Variants in KCNQ2 observed in about 807,000 individuals in gnomAD.
The protein encoded by KCNQ2 is potassium voltage-gated channel subfamily Q member 2.
KCNQ2 carries 14 observed loss-of-function variants against 84.8 expected under a neutral mutation model. The ratio of observed to expected loss-of-function variants is 0.17; its 90% CI spans 0.11 to 0.26. KCNQ2 has a LOEUF of 0.26. Ranked by LOEUF, KCNQ2 falls within the 10% of genes least tolerant of loss-of-function variation. KCNQ2 has a pLI of 1.00. For missense variants in KCNQ2, 788 were observed against 1,254.0 expected, an observed-to-expected ratio of 0.63 and a Z score of 5.61; for synonymous variants, 599 against 554.1, an observed-to-expected ratio of 1.08 and a Z score of -1.14.
intron 12 of KCNQ2, among the ~76,000 whole-genome samples, chr20:63,417,479 G>A (rs544859501): frequency 1.5e-4 from 23 of 152,248 alleles, no homozygotes; most frequent in South Asian, 8.3e-4. Flanking sequence ...GCAAAGCACC[G>A]GGTGGAGGAC....
At position 63,404,072 on chromosome 20, in the gene KCNQ2, G is replaced by C. The variant is rs1044588421; in HGVS notation, c.*2572C>G. On this transcript the variant is annotated 3_prime_UTR_variant, in exon 17 of 17. Coordinates refer to ENST00000359125, the MANE Select transcript of KCNQ2 (RefSeq NM_172107.4). The stretch of plus-strand genomic sequence containing the variant: ...CCCAGGGCCCAGAGACTTCCCAGGG[G>C]ACACACCACACGTTCCTTGCTGGAC... The C allele has an allele frequency of 6.6e-6, 1 of 152,558 alleles. No homozygotes were observed. The highest frequency in any genetic ancestry group is 2.1e-4 in the South Asian group (1 of 4,830). The allele number at this position is 152,558 out of a possible 1,614,324, so 9.5% of individuals were successfully genotyped here.
intron 4 of KCNQ2, 63 bp from the exon 5 acceptor site, chr20:63,442,594 C>A: frequency 6.4e-7 from 1 of 1,556,798 alleles, no homozygotes; most frequent in Non-Finnish European, 8.8e-7. Flanking sequence ...ATCACCACCA[C>A]CAACACCACC....
intron 1 of KCNQ2, among the ~76,000 whole-genome samples, chr20:63,470,667 G>C (rs1190570813): frequency 6.6e-6 from 1 of 152,218 alleles, no homozygotes; most frequent in Non-Finnish European, 1.5e-5. Context: ...CAGGGCAGGA[G>C]GGTTGTGGGG....
intron 12 of KCNQ2, among the ~76,000 whole-genome samples, chr20:63,415,678 C>T (rs1277669164): frequency 6.6e-6 from 1 of 152,162 alleles, no homozygotes; most frequent in African/African-American, 2.4e-5. Context: ...GCTACCACCA[C>T]GAGGTGCCGG....
chr20:63,441,882 G>T (rs1462912929), intron 5 of KCNQ2, among the ~76,000 whole-genome samples: 1 of 152,230 alleles, frequency 6.6e-6, no homozygotes, highest in African/African-American at 2.4e-5. Context: ...GCTAGGCCCG[G>T]GGTCTGGTCT....
chr20:63,409,822 C>G (rs2080062969), intron 15 of KCNQ2: 1 of 159,900 alleles, frequency 6.3e-6, no homozygotes, highest in South Asian at 7.2e-5. Context: ...CTGGGCTGCC[C>G]TACCTGCCTC....
intron 7 of KCNQ2, 135 bp from the exon 8 acceptor site, chr20:63,434,038 G>A (rs2080913205): frequency 1.4e-6 from 1 of 705,506 alleles, no homozygotes; most frequent in African/African-American, 1.8e-5. Context: ...TGGGCCAGCA[G>A]GCCAGGCCCC....
chr20:63,439,311 C>G (rs1385273409), intron 6 of KCNQ2, among the ~76,000 whole-genome samples: 7 of 152,232 alleles, frequency 4.6e-5, no homozygotes, highest in Admixed American at 1.3e-4. Context: ...CCTGCTCAGC[C>G]CCACTCAGAC....
At position 63,407,429 on chromosome 20, in the gene KCNQ2, G is replaced by C; in HGVS notation, c.1888-54C>G. The C allele has an allele frequency of 6.3e-7, 1 of 1,585,588 alleles. No homozygotes were observed. Among genetic ancestry groups the C allele is most frequent in the Non-Finnish European group, 8.5e-7 (1 of 1,171,808 alleles). On this transcript the variant is annotated intron_variant, in intron 16 of 16. Coordinates refer to ENST00000359125, the MANE Select transcript of KCNQ2 (RefSeq NM_172107.4). The surrounding 1 kb of genome is among the most constrained non-coding windows in gnomAD (Gnocchi z 7.2). The stretch of plus-strand genomic sequence containing the variant: ...CGAGGGCCCGTCCCAGGAGATGTGG[G>C]GACCCAGGCTGCTCCCAGGAAATGG...
chr20:63,472,503 AGCGGGGGCGGAGC>A lies in KCNQ2; in HGVS notation c.-53_-41del. Reference sequence around the variant, plus strand: ...GGCGCCCCGGGTCGGGCTCAGGCTCAGCGGGGGCGGAGCGCGGGGGGCGGCGCGGGCCCCAGCC... The same window carrying A: ...GGCGCCCCGGGTCGGGCTCAGGCTCAGCGGGGGGCGGCGCGGGCCCCAGCC... On this transcript the variant is annotated 5_prime_UTR_variant, in exon 1 of 17. It removes the in-frame stop codon of an upstream open reading frame in the 5' UTR. Transcript: ENST00000359125. 1 of 1,396,964 alleles carries A rather than the reference AGCGGGGGCGGAGC, an allele frequency of 7.2e-7. No homozygotes were observed. The highest frequency in any genetic ancestry group is 9.3e-7 in the Non-Finnish European group (1 of 1,078,966). 86.5% of individuals were successfully genotyped at this position (1,396,964 alleles called of 1,614,324 possible).
intron 11 of KCNQ2, among the ~76,000 whole-genome samples, chr20:63,422,885 G>T (rs575717544): frequency 6.6e-6 from 1 of 152,166 alleles, no homozygotes; most frequent in Non-Finnish European, 1.5e-5. Flanking sequence ...GCCCTGCCAC[G>T]CGGAAGCCGT....
intron 1 of KCNQ2, among the ~76,000 whole-genome samples, chr20:63,463,157 G>C (rs2081998807): frequency 6.6e-6 from 1 of 152,100 alleles, no homozygotes; most frequent in African/African-American, 2.4e-5. Flanking sequence ...AGCTACTCAG[G>C]AGGTCAAGGC....
In KCNQ2 at chr20:63,472,284, G is replaced by C; in HGVS notation, c.180C>G (p.Gly60=). 6.5e-7 allele frequency: 1 copy of C among 1,537,800 alleles called. No homozygotes were observed. The highest frequency in any genetic ancestry group is 8.8e-7 in the Non-Finnish European group (1 of 1,142,226). The change falls in exon 1 of 17, where the codon GGC becomes GGG. Residue 60 remains glycine, a synonymous_variant. Coordinates refer to ENST00000359125, the MANE Select transcript of KCNQ2 (RefSeq NM_172107.4). ...RGSILSKPRA[G]GAGAGKPPKR... is the part of the protein sequence containing the mutation. Reference sequence around the variant, plus strand: ...TGGGGGGCTTCCCGGCGCCCGCGCCGCCCGCGCGAGGTTTGCTGAGGATGC... The same window carrying C: ...TGGGGGGCTTCCCGGCGCCCGCGCCCCCCGCGCGAGGTTTGCTGAGGATGC...
At position 63,412,734 on chromosome 20, in the gene KCNQ2, T is replaced by C. The variant is rs6011821; in HGVS notation, c.1763+716A>G. Among the ~76,000 whole-genome samples the C allele has an allele frequency of 9.7e-3, 1,482 of 152,298 alleles. 21 individuals carry two copies. The highest frequency in any genetic ancestry group is 0.033 in the African/African-American group (1,374 of 41,558). ...CTCGCTTCCAGGGCTGAGAAACTGG[T>C]ACAGCCTTGGTTGGGGGGCCTGGGA... On this transcript the variant is annotated intron_variant, in intron 15 of 16. Transcript: ENST00000359125.
At chr20:63,440,325 C>T (rs2081121237) in intron 5 of KCNQ2, among the ~76,000 whole-genome samples, 1 of 152,140 alleles carries the variant, frequency 6.6e-6, no homozygotes, top group Admixed American at 6.5e-5. Flanking sequence ...GCACCCGACT[C>T]GGGGCCTGGA....
intron 1 of KCNQ2, among the ~76,000 whole-genome samples, chr20:63,453,954 G>T (rs1489156517): frequency 2.0e-5 from 3 of 152,136 alleles, no homozygotes; most frequent in Admixed American, 6.5e-5. Flanking sequence ...TCCTCGGGCT[G>T]CAGGGAACCT....
At chr20:63,452,719 G>A (rs985776849) in intron 1 of KCNQ2, among the ~76,000 whole-genome samples, 4 of 152,192 alleles carry the variant, frequency 2.6e-5, no homozygotes, top group Admixed American at 2.6e-4. Flanking sequence ...GGTGGGGAGA[G>A]CCAGGTCTCT....
intron 1 of KCNQ2, among the ~76,000 whole-genome samples, chr20:63,455,429 G>A (rs1049115766): frequency 6.6e-6 from 1 of 152,136 alleles, no homozygotes; most frequent in Admixed American, 6.5e-5. Context: ...CTCACCGCAC[G>A]TCCCTGACGC....
At position 63,460,090 on chromosome 20, in the gene KCNQ2, C is replaced by G. The variant is rs1568968728; in HGVS notation, c.296+12078G>C. On this transcript the variant is annotated intron_variant, in intron 1 of 16. Coordinates refer to ENST00000359125, the MANE Select transcript of KCNQ2 (RefSeq NM_172107.4). This position sits in a 1 kb window ranked among gnomAD's most constrained non-coding sequence, Gnocchi z 5.4. ...TGGCTCTGGCCCTGGCCAGTGTCCCCATCCCAGCCCAGCCTACTCCTCCCC... is the reference window on the plus strand; with the variant it reads ...TGGCTCTGGCCCTGGCCAGTGTCCCGATCCCAGCCCAGCCTACTCCTCCCC... 1 of 152,304 alleles carries G rather than the reference C, an allele frequency of 6.6e-6. No homozygotes were observed. Among genetic ancestry groups the G allele is most frequent in the Admixed American group, 6.5e-5 (1 of 15,280 alleles). The allele number at this position is 152,304 out of a possible 1,614,324, so 9.4% of individuals were successfully genotyped here.
Sources: gnomAD v4.1 joint callset for allele counts (sites outside exome capture counted in the v4.1 genomes callset) on GRCh38, gnomAD v4.1.1 for gene constraint, Gnocchi (gnomAD v3.1) non-coding constraint, MANE v1.5 for transcripts, NCBI Gene and HGNC (gene_info 2026-07-23, HGNC 2026-07-21) for gene names.